WBP1L: variants seen among roughly 807,000 people sequenced by gnomAD.
WBP1L encodes the protein WW domain binding protein 1-like.
A neutral mutation model predicts 33.7 loss-of-function variants in WBP1L; 17 were observed. That is an observed-to-expected ratio of 0.50 (90% CI 0.34 to 0.76). The LOEUF (loss-of-function observed/expected upper bound fraction) is 0.76, where lower values mean the gene tolerates loss of function less well. WBP1L is among the 30% of genes least tolerant of loss of function. The pLI is 0.01. For synonymous variants in WBP1L, 173 were observed against 190.8 expected, an observed-to-expected ratio of 0.91 and a Z score of 0.77; for missense variants, 389 against 469.4, an observed-to-expected ratio of 0.83 and a Z score of 1.58.
At chr10:102,761,922 A>G (rs1249256601) in intron 1 of WBP1L, among the ~76,000 whole-genome samples, 1 of 152,138 alleles carries the variant, frequency 6.6e-6, no homozygotes, top group Non-Finnish European at 1.5e-5. Flanking sequence ...ATCACAGCTC[A>G]CTGTAGCCTC....
chr10:102,776,303 C>T, intron 1 of WBP1L: 1 of 1,612,670 alleles, frequency 6.2e-7, no homozygotes, highest in East Asian at 2.2e-5. Flanking sequence ...ACCGCACACA[C>T]AGGCCCACCA....
chr10:102,749,469 C>G (rs1842903254), intron 1 of WBP1L, among the ~76,000 whole-genome samples: 1 of 149,820 alleles, frequency 6.7e-6, no homozygotes, highest in African/African-American at 2.5e-5. Flanking sequence ...TTTTTTCTCT[C>G]TAATAAAAAA....
intron 1 of WBP1L, among the ~76,000 whole-genome samples, chr10:102,767,493 A>C (rs1412604135): frequency 6.6e-6 from 1 of 152,140 alleles, no homozygotes; most frequent in Non-Finnish European, 1.5e-5. Flanking sequence ...GTAAGTAGCC[A>C]CTGCACCCCA....
intron 1 of WBP1L, among the ~76,000 whole-genome samples, chr10:102,775,472 G>A (rs143652971): frequency 7.9e-5 from 12 of 152,338 alleles, no homozygotes; most frequent in African/African-American, 2.9e-4. Flanking sequence ...TGAACCAAGA[G>A]TTGGTTTAAA....
At chr10:102,760,376 C>CTTTCT (rs1256549179) in intron 1 of WBP1L, among the ~76,000 whole-genome samples, 19 of 96,182 alleles carry the variant, frequency 2.0e-4, no homozygotes, top group Non-Finnish European at 2.4e-4. Context: ...TTCTTTCTTT[C>CTTTCT]TTTTTTTTTT....
At chr10:102,806,046 CA>C (rs35914806) in intron 2 of WBP1L, among the ~76,000 whole-genome samples, 63 of 136,764 alleles carry the variant, frequency 4.6e-4, no homozygotes, top group Admixed American at 6.6e-4. Flanking sequence ...ACTAAAAATA[CA>C]AAAAAAAAAA....
At chr10:102,806,562 A>C (rs1230702791) in intron 2 of WBP1L, among the ~76,000 whole-genome samples, 4 of 152,200 alleles carry the variant, frequency 2.6e-5, no homozygotes, top group African/African-American at 9.7e-5. Context: ...AGCAAGTTTG[A>C]CTAGTGAACC....
intron 3 of WBP1L, 147 bp from the exon 4 acceptor site, chr10:102,812,445 TCTC>T: frequency 3.3e-6 from 3 of 905,578 alleles, no homozygotes; most frequent in Non-Finnish European, 4.8e-6. Context: ...CGCAGCTGTC[TCTC>T]CTCTGCTCAC....
At position 102,809,398 on chromosome 10, in the gene WBP1L, G is replaced by C. The variant is rs527743419; in HGVS notation, c.194-495G>C. ...CAGCCATTCTTTTTTTTGAGACAGA[G>C]TCTTGCTCTGTCGCCCAGGCTGGAG... On this transcript the variant is annotated intron_variant, in intron 2 of 3. Coordinates refer to ENST00000448841, the MANE Select transcript of WBP1L (RefSeq NM_001083913.2). 4.7e-5 allele frequency among the ~76,000 whole-genome samples: 7 copies of C among 147,482 alleles called. No individual in the cohort carries two copies. In the South Asian group the frequency reaches 1.5e-3, roughly 32 times the overall value.
intron 1 of WBP1L, among the ~76,000 whole-genome samples, chr10:102,777,454 C>T (rs1480749978): frequency 6.6e-6 from 1 of 151,858 alleles, no homozygotes; most frequent in East Asian, 1.9e-4. Flanking sequence ...AAGCCCCAAA[C>T]ATTCCATTAC....
At chr10:102,803,947 C>G (rs1348179389) in intron 2 of WBP1L, 1 of 151,908 alleles carries the variant, frequency 6.6e-6, no homozygotes, top group Non-Finnish European at 1.5e-5. Flanking sequence ...TTCAGCAGCA[C>G]CTATACTAAA....
chr10:102,797,901 C>A, intron 1 of WBP1L, 92 bp from the exon 2 acceptor site: 1 of 1,160,772 alleles, frequency 8.6e-7, no homozygotes. Context: ...GTTTTGGGGG[C>A]TGGTGAATAG....
chr10:102,748,358 G>A (rs1459044649), intron 1 of WBP1L, among the ~76,000 whole-genome samples: 7 of 151,816 alleles, frequency 4.6e-5, no homozygotes, highest in Admixed American at 6.6e-5. Context: ...ATACCCTTTG[G>A]TTCCCACCTT....
intron 1 of WBP1L, among the ~76,000 whole-genome samples, chr10:102,787,731 T>C (rs187871229): frequency 2.6e-5 from 4 of 152,222 alleles, no homozygotes; most frequent in Non-Finnish European, 4.4e-5. Flanking sequence ...AATTTGAAAA[T>C]GTGTGCCCTT....
At chr10:102,766,126 C>A (rs1235520703) in intron 1 of WBP1L, among the ~76,000 whole-genome samples, 1 of 151,932 alleles carries the variant, frequency 6.6e-6, no homozygotes, top group Non-Finnish European at 1.5e-5. Context: ...ATAGGAAGAC[C>A]CTGCCTCTAT....
intron 1 of WBP1L, chr10:102,746,217 A>G (rs1156528024): frequency 1.0e-6 from 1 of 969,376 alleles, no homozygotes; most frequent in African/African-American, 1.8e-5. Flanking sequence ...TTATATTCTA[A>G]TTGCAGTTTG....
intron 2 of WBP1L, among the ~76,000 whole-genome samples, chr10:102,805,163 T>C (rs1843712550): frequency 6.6e-6 from 1 of 152,034 alleles, no homozygotes; most frequent in Non-Finnish European, 1.5e-5. Context: ...TGTGCACCTG[T>C]AGTCCTAGCT....
At chr10:102,744,982 A>T (rs986433121) in intron 1 of WBP1L, among the ~76,000 whole-genome samples, 1 of 152,132 alleles carries the variant, frequency 6.6e-6, no homozygotes, top group Non-Finnish European at 1.5e-5. Flanking sequence ...CCCTAATGGG[A>T]GCGTTACTCC....
chr10:102,803,630 G>A (rs1217115054), intron 2 of WBP1L, among the ~76,000 whole-genome samples: 1 of 150,800 alleles, frequency 6.6e-6, no homozygotes, highest in African/African-American at 2.4e-5. Context: ...TTGGAGGCAG[G>A]GTCTTGCTCT....
Sources: gnomAD v4.1 joint callset for allele counts (sites outside exome capture counted in the v4.1 genomes callset) on GRCh38, gnomAD v4.1.1 for gene constraint, MANE v1.5 for transcripts, NCBI Gene and HGNC (gene_info 2026-07-23, HGNC 2026-07-21) for gene names.